The following SCHIP1 variants were observed in gnomAD, a reference collection of about 807,000 sequenced individuals.
SCHIP1 encodes schwannomin-interacting protein 1.
A neutral mutation model predicts 29.7 loss-of-function variants in SCHIP1; 8 were observed. That is an observed-to-expected ratio of 0.27 (90% confidence interval 0.16 to 0.49). SCHIP1 has a LOEUF of 0.49. Among genes scored for constraint, SCHIP1 ranks in the 20% least tolerant of loss-of-function variants. SCHIP1 has a pLI of 0.99. For synonymous variants in SCHIP1, 76 were observed against 94.9 expected (o/e 0.80, Z 1.16); for missense variants, 193 against 294.6 (o/e 0.66, Z 2.52).
At chr3:159,833,079 A>G in the SCHIP1 span, among the ~76,000 whole-genome samples, 2,053 of 152,322 alleles carry the variant, frequency 0.013, 37 homozygotes, top group African/African-American at 0.047. Context: ...GGGTCTTGGA[A>G]TGTATACCAC....
the SCHIP1 span, among the ~76,000 whole-genome samples, chr3:159,362,259 A>C: frequency 6.6e-6 from 1 of 152,212 alleles, no homozygotes; most frequent in Non-Finnish European, 1.5e-5. Context: ...GGTGAATGTA[A>C]GGTAAGGACT....
At chr3:159,659,068 G>A in the SCHIP1 span, among the ~76,000 whole-genome samples, 3 of 152,222 alleles carry the variant, frequency 2.0e-5, no homozygotes, top group Non-Finnish European at 4.4e-5. Flanking sequence ...TGGATTAAAT[G>A]AGATTATATT....
chr3:159,786,666 C>CGT, the SCHIP1 span, among the ~76,000 whole-genome samples: 14,631 of 124,804 alleles, frequency 0.12, 885 homozygotes, highest in Non-Finnish European at 0.17. Flanking sequence ...TGAGTCAAAG[C>CGT]GTGTGTGTGT....
chr3:159,437,300 G>A, the SCHIP1 span, among the ~76,000 whole-genome samples: 5 of 151,970 alleles, frequency 3.3e-5, no homozygotes, highest in African/African-American at 1.2e-4. Context: ...AGCCAAAGTT[G>A]GCCTCCCCCA....
At chr3:159,416,605 A>AT in the SCHIP1 span, among the ~76,000 whole-genome samples, 5 of 152,182 alleles carry the variant, frequency 3.3e-5, no homozygotes, top group African/African-American at 1.2e-4. Flanking sequence ...ATTTAATTGG[A>AT]TTTTTTCCAC....
At chr3:159,764,317 T>A in the SCHIP1 span, 4 of 1,188,900 alleles carry the variant, frequency 3.4e-6, no homozygotes, top group East Asian at 8.1e-5. The surrounding 1 kb of genome is among the most constrained non-coding windows in gnomAD (Gnocchi z 6.1). Flanking sequence ...CCAGGCCTCC[T>A]TGGGGGACGC....
At chr3:159,743,786 T>A in the SCHIP1 span, among the ~76,000 whole-genome samples, 2 of 152,200 alleles carry the variant, frequency 1.3e-5, no homozygotes, top group Non-Finnish European at 2.9e-5. Flanking sequence ...TTTGATACTG[T>A]ACTGTGGTTT....
chr3:159,785,800 G>T, the SCHIP1 span, among the ~76,000 whole-genome samples: 1 of 152,162 alleles, frequency 6.6e-6, no homozygotes, highest in Admixed American at 6.5e-5. Context: ...GGTACCCACT[G>T]AATGCTGCTG....
the SCHIP1 span, among the ~76,000 whole-genome samples, chr3:159,465,315 TTGTGTGTGTG>T: frequency 2.7e-5 from 4 of 148,276 alleles, no homozygotes; most frequent in Admixed American, 1.4e-4. Flanking sequence ...ATGTGTATGA[TTGTGTGTGTG>T]TGTGTGTGTG....
the SCHIP1 span, among the ~76,000 whole-genome samples, chr3:159,453,544 C>T: frequency 2.6e-5 from 4 of 152,140 alleles, no homozygotes; most frequent in Admixed American, 2.6e-4. Context: ...GCCACTGAAA[C>T]TTTTTAAGCC....
At chr3:159,364,784 TC>T in the SCHIP1 span, among the ~76,000 whole-genome samples, 21 of 152,280 alleles carry the variant, frequency 1.4e-4, no homozygotes, top group Admixed American at 9.2e-4. Flanking sequence ...GACTAATTCA[TC>T]CCTGCATTAT....
At chr3:159,694,600 GAAAGA>G in the SCHIP1 span, among the ~76,000 whole-genome samples, 584 of 128,350 alleles carry the variant, frequency 4.6e-3, 13 homozygotes, top group East Asian at 0.012. Flanking sequence ...AAGAAAGAAA[GAAAGA>G]AAGGAATTAT....
At chr3:159,867,606 C>G (rs2109269009) in intron 2 of SCHIP1, among the ~76,000 whole-genome samples, 1 of 152,190 alleles carries the variant, frequency 6.6e-6, no homozygotes, top group African/African-American at 2.4e-5. Flanking sequence ...TCAGAACATT[C>G]CCTTGTGTTC....
At chr3:159,440,428 T>C in the SCHIP1 span, among the ~76,000 whole-genome samples, 26,301 of 152,048 alleles carry the variant, frequency 0.17, 2,488 homozygotes, top group South Asian at 0.33. Flanking sequence ...CTGCACCTCA[T>C]TGTTTTCTGC....
At chr3:159,321,203 G>A in the SCHIP1 span, among the ~76,000 whole-genome samples, 4 of 152,264 alleles carry the variant, frequency 2.6e-5, no homozygotes, top group African/African-American at 9.6e-5. Context: ...GACCTCAGGT[G>A]ATCTGCCCAC....
At chr3:159,378,274 CAGGTTT>C in the SCHIP1 span, among the ~76,000 whole-genome samples, 2 of 152,160 alleles carry the variant, frequency 1.3e-5, no homozygotes, top group African/African-American at 4.8e-5. Context: ...ATCTTCCACT[CAGGTTT>C]AATGCATCAG....
the SCHIP1 span, among the ~76,000 whole-genome samples, chr3:159,594,541 C>T: frequency 6.6e-6 from 1 of 152,108 alleles, no homozygotes. Flanking sequence ...TTCCACTAAA[C>T]CAGCCATCAG....
At chr3:159,865,545 C>A (rs1714530545) in intron 1 of SCHIP1, among the ~76,000 whole-genome samples, 1 of 152,176 alleles carries the variant, frequency 6.6e-6, no homozygotes, top group Admixed American at 6.5e-5. Flanking sequence ...CAAGGTTTCT[C>A]ACATTCTAAA....
the SCHIP1 span, among the ~76,000 whole-genome samples, chr3:159,479,681 C>T: frequency 0.24 from 35,928 of 152,018 alleles, 4,450 homozygotes; most frequent in East Asian, 0.34. Flanking sequence ...CCTGAATGGA[C>T]GGTTAACTCT....
Sources: allele counts gnomAD v4.1 joint callset (sites outside exome capture counted in the v4.1 genomes callset), GRCh38; gene constraint gnomAD v4.1.1; non-coding constraint Gnocchi (gnomAD v3.1); transcripts MANE v1.5; gene names NCBI Gene and HGNC (gene_info 2026-07-23, HGNC 2026-07-21).